MAP4: variants seen among roughly 807,000 people sequenced by gnomAD.
The protein encoded by MAP4 is microtubule associated protein 4, also known as microtubule-associated protein 4.
Under a neutral mutation model 170.2 loss-of-function variants are expected in MAP4, and 76 were observed. The ratio of observed to expected loss-of-function variants is 0.45; its 90% CI spans 0.37 to 0.54. MAP4 has a LOEUF of 0.54. MAP4 is among the 20% of genes least tolerant of loss of function. MAP4 has a pLI of 0.00. For missense variants in MAP4, 2,506 were observed against 2,748.0 expected (o/e 0.91, Z 1.97); for synonymous variants, 909 against 994.5 (o/e 0.91, Z 1.62).
intron 1 of MAP4, among the ~76,000 whole-genome samples, chr3:48,056,511 G>A (rs2100131787): frequency 1.3e-5 from 1 of 75,556 alleles, no homozygotes; most frequent in Non-Finnish European, 2.5e-5. Flanking sequence ...CCTCCCCCCG[G>A]CCAGCCGCCC....
intron 1 of MAP4, among the ~76,000 whole-genome samples, chr3:48,084,386 TAAAAA>T (rs548681084): frequency 9.6e-6 from 1 of 104,420 alleles, no homozygotes; most frequent in African/African-American, 3.6e-5. Flanking sequence ...ATCTCATCTC[TAAAAA>T]AAAAAAAAAA....
At chr3:48,042,026 C>G (rs1345335271) in intron 1 of MAP4, among the ~76,000 whole-genome samples, 2 of 152,146 alleles carry the variant, frequency 1.3e-5, no homozygotes, top group East Asian at 3.8e-4. Flanking sequence ...TTATGTGTAT[C>G]CTTTAAAATA....
chr3:48,066,636 G>A (rs2100138351), intron 1 of MAP4, among the ~76,000 whole-genome samples: 1 of 151,960 alleles, frequency 6.6e-6, no homozygotes, highest in Non-Finnish European at 1.5e-5. Context: ...TGGGATTACA[G>A]GCGTGCGCCA....
chr3:47,870,207 G>A (rs921172863), intron 15 of MAP4, among the ~76,000 whole-genome samples: 5 of 152,074 alleles, frequency 3.3e-5, no homozygotes, highest in Non-Finnish European at 7.4e-5. Context: ...AATAATTCTG[G>A]GACTGATGCA....
rs1338496405 is a variant in MAP4 at position 47,853,218 on chromosome 3, T to C, written c.6831A>G (p.Ser2277=). 1 of 1,580,202 alleles carries C rather than the reference T, an allele frequency of 6.3e-7. No individual in the cohort carries two copies. The highest frequency in any genetic ancestry group is 2.2e-5 in the East Asian group (1 of 44,506). The change falls in exon 20 of 21, where the codon TCA becomes TCG. Residue 2277 remains serine (S), a synonymous_variant. Coordinates refer to ENST00000683076, the MANE Select transcript of MAP4 (RefSeq NM_001385682.1). ...GGGCCTCCCTTTGGTCACCACCCCC[T>C]GACAGGGTGGGGTGGCCATTGAGGC... ...ASGLNGHPTL[S]GGGDQREAQT... is the part of the protein sequence containing the mutation.
chr3:47,959,023 C>T (rs1328675447), intron 3 of MAP4, among the ~76,000 whole-genome samples: 1 of 151,954 alleles, frequency 6.6e-6, no homozygotes, highest in Non-Finnish European at 1.5e-5. Flanking sequence ...ACAAACTAGT[C>T]AGTGGAACTT....
chr3:48,005,124 G>A lies in MAP4; in HGVS notation c.-19-6245C>T, dbSNP rs527679423. ...CGCCTGTAATCCCAATACTTTGTGAGGCCGAGGTGGGCGGATCACGAGGTC... is the reference window on the plus strand; with the variant it reads ...CGCCTGTAATCCCAATACTTTGTGAAGCCGAGGTGGGCGGATCACGAGGTC... On this transcript the variant is annotated intron_variant, in intron 1 of 20. Transcript: ENST00000683076. Among the ~76,000 whole-genome samples the A allele has an allele frequency of 1.2e-3, 178 of 152,268 alleles. 1 individual carries two copies. Among genetic ancestry groups the A allele is most frequent in the Non-Finnish European group, 1.1e-3 (75 of 68,018 alleles).
chr3:48,062,049 G>A (rs956407778), intron 1 of MAP4, among the ~76,000 whole-genome samples: 34 of 152,298 alleles, frequency 2.2e-4, no homozygotes. Flanking sequence ...CGGTTTTGTC[G>A]AGTAGAAAGG....
chr3:47,858,610 T>C (rs1307019001), intron 17 of MAP4, among the ~76,000 whole-genome samples: 3 of 137,910 alleles, frequency 2.2e-5, no homozygotes, highest in South Asian at 2.3e-4. Flanking sequence ...TGTGTGTGTG[T>C]GTGTGCGCGT....
At position 47,909,025 on chromosome 3, in the gene MAP4, G is replaced by A. The variant is rs2100034567; in HGVS notation, c.5383+13C>T. The A allele has an allele frequency of 6.2e-7, 1 of 1,604,418 alleles. No homozygotes were observed. Among genetic ancestry groups the A allele is most frequent in the Admixed American group, 1.7e-5 (1 of 58,492 alleles). On this transcript the variant is annotated intron_variant, in intron 9 of 20. Coordinates refer to ENST00000683076, the MANE Select transcript of MAP4 (RefSeq NM_001385682.1). ...GCCACAAGCACACACATTTCCCCAT[G>A]GCAGGTTCATACCAGCGGACTTCAG...
chr3:47,933,172 T>C (rs1347047121), intron 3 of MAP4, among the ~76,000 whole-genome samples: 1 of 152,106 alleles, frequency 6.6e-6, no homozygotes, highest in Non-Finnish European at 1.5e-5. Context: ...TTATATGAAA[T>C]TTCTAGAACA....
At chr3:48,005,127 C>T (rs1252800064) in intron 1 of MAP4, among the ~76,000 whole-genome samples, 9 of 152,158 alleles carry the variant, frequency 5.9e-5, no homozygotes, top group East Asian at 3.9e-4. Context: ...TTTGTGAGGC[C>T]GAGGTGGGCG....
intron 1 of MAP4, among the ~76,000 whole-genome samples, chr3:48,071,359 T>G (rs930340719): frequency 6.6e-6 from 1 of 151,208 alleles, no homozygotes; most frequent in Non-Finnish European, 1.5e-5. Context: ...CTGGGCAACA[T>G]AGTGAAACCC....
At chr3:48,022,223 G>A (rs1387277956) in intron 1 of MAP4, among the ~76,000 whole-genome samples, 1 of 152,090 alleles carries the variant, frequency 6.6e-6, no homozygotes, top group East Asian at 1.9e-4. Context: ...ACAATAACAT[G>A]GCGAATATTT....
intron 1 of MAP4, among the ~76,000 whole-genome samples, chr3:48,055,395 G>C (rs1035088453): frequency 2.6e-5 from 4 of 151,988 alleles, no homozygotes; most frequent in Non-Finnish European, 5.9e-5. Context: ...TGGTGGAGAC[G>C]GGGTTTCGCT....
At chr3:47,953,688 C>A (rs1012548205) in intron 3 of MAP4, among the ~76,000 whole-genome samples, 1 of 151,836 alleles carries the variant, frequency 6.6e-6, no homozygotes, top group Non-Finnish European at 1.5e-5. Flanking sequence ...AAAAAAAGCT[C>A]GGAAGATAAT....
chr3:47,875,989 T>C (rs2095293982), intron 11 of MAP4, 89 bp from the exon 12 acceptor site: 8 of 968,644 alleles, frequency 8.3e-6, no homozygotes, highest in South Asian at 4.5e-5. Flanking sequence ...AAAAAAAGTA[T>C]AAATTGCACA....
At chr3:48,087,729 GCA>G (rs889528420) in intron 1 of MAP4, among the ~76,000 whole-genome samples, 31 of 117,934 alleles carry the variant, frequency 2.6e-4, no homozygotes, top group Middle Eastern at 4.5e-3. Context: ...ACACGCACGC[GCA>G]CACACACGCA....
chr3:48,016,602 A>AT (rs1255667507), upstream of MAP4, among the ~76,000 whole-genome samples: 2 of 152,172 alleles, frequency 1.3e-5, no homozygotes, highest in Non-Finnish European at 2.9e-5. Flanking sequence ...TTTTATCTAA[A>AT]TTTTTTAAAT....
Sources: allele counts gnomAD v4.1 joint callset (sites outside exome capture counted in the v4.1 genomes callset), GRCh38; gene constraint gnomAD v4.1.1; transcripts MANE v1.5; gene names NCBI Gene and HGNC (gene_info 2026-07-23, HGNC 2026-07-21).